Variants in DOK5 observed in about 807,000 individuals in gnomAD.
The protein encoded by DOK5 is docking protein 5.
A neutral mutation model predicts 43.3 loss-of-function variants in DOK5; 27 were observed. The ratio of observed to expected loss-of-function variants is 0.62; its 90% confidence interval spans 0.46 to 0.86. The LOEUF (loss-of-function observed/expected upper bound fraction) is 0.86. Among genes scored for constraint, DOK5 ranks in the 40% least tolerant of loss-of-function variants. The pLI is 0.00. For synonymous variants in DOK5, 146 were observed against 140.1 expected (o/e 1.04, Z -0.30); for missense variants, 373 against 392.9 (o/e 0.95, Z 0.43).
chr20:54,487,057 A>G (rs1981963347), intron 1 of DOK5, among the ~76,000 whole-genome samples: 1 of 152,186 alleles, frequency 6.6e-6, no homozygotes, highest in Non-Finnish European at 1.5e-5. Context: ...CTATCTTAGA[A>G]CATAAAGACT....
At chr20:54,613,147 G>T (rs1476675823) in intron 6 of DOK5, among the ~76,000 whole-genome samples, 4 of 151,798 alleles carry the variant, frequency 2.6e-5, no homozygotes, top group Admixed American at 6.6e-5. Context: ...AATGGCTGGA[G>T]GATTATCTAG....
chr20:54,517,307 C>T (rs955446319), intron 1 of DOK5, among the ~76,000 whole-genome samples: 5 of 152,098 alleles, frequency 3.3e-5, no homozygotes, highest in African/African-American at 9.7e-5. Context: ...GAATCAGATG[C>T]TATTTTACAG....
intron 2 of DOK5, among the ~76,000 whole-genome samples, chr20:54,573,419 G>T (rs982931711): frequency 6.6e-6 from 1 of 152,104 alleles, no homozygotes; most frequent in Non-Finnish European, 1.5e-5. Flanking sequence ...GAGGCGCGGT[G>T]GCTCATGCCT....
chr20:54,575,463 CA>C (rs1053966056), intron 2 of DOK5, among the ~76,000 whole-genome samples: 62 of 152,114 alleles, frequency 4.1e-4, no homozygotes, highest in African/African-American at 1.5e-3. Context: ...ATTTTTGAGA[CA>C]GAGTCTCGCT....
chr20:54,594,215 A>T (rs1986066294), intron 5 of DOK5, among the ~76,000 whole-genome samples: 1 of 152,170 alleles, frequency 6.6e-6, no homozygotes, highest in Non-Finnish European at 1.5e-5. Flanking sequence ...TTGTACAAAA[A>T]ATAAAAGCAA....
chr20:54,589,513 T>C (rs560440043), intron 4 of DOK5, among the ~76,000 whole-genome samples: 1 of 152,220 alleles, frequency 6.6e-6, no homozygotes, highest in Non-Finnish European at 1.5e-5. Context: ...TCAGCAAAAA[T>C]CAGTGTTGAT....
intron 6 of DOK5, among the ~76,000 whole-genome samples, chr20:54,628,387 C>G (rs561936255): frequency 4.4e-4 from 47 of 107,776 alleles, no homozygotes; most frequent in Admixed American, 1.0e-3. Context: ...CCAGCCTGGG[C>G]GACAGAGCGA....
intron 2 of DOK5, among the ~76,000 whole-genome samples, chr20:54,577,781 G>A (rs1217684991): frequency 1.3e-5 from 2 of 152,200 alleles, no homozygotes; most frequent in African/African-American, 2.4e-5. Context: ...CAGAAATCCA[G>A]GAAGGAGGGC....
intron 1 of DOK5, among the ~76,000 whole-genome samples, chr20:54,485,928 T>C (rs1406773413): frequency 6.6e-6 from 1 of 152,236 alleles, no homozygotes; most frequent in Non-Finnish European, 1.5e-5. Flanking sequence ...CATCTTTTCA[T>C]GTTCCTGTTT....
intron 1 of DOK5, among the ~76,000 whole-genome samples, chr20:54,553,760 A>G (rs1429886316): frequency 6.6e-6 from 1 of 151,296 alleles, no homozygotes; most frequent in African/African-American, 2.4e-5. Context: ...AGCTGGGCCT[A>G]GTTGTGCTTG....
chr20:54,631,559 T>A (rs1978568604), intron 6 of DOK5, among the ~76,000 whole-genome samples: 1 of 152,168 alleles, frequency 6.6e-6, no homozygotes, highest in South Asian at 2.1e-4. Flanking sequence ...TATTTCCTTG[T>A]TTTGTTTTTC....
chr20:54,530,699 G>C (rs920511466), intron 1 of DOK5, among the ~76,000 whole-genome samples: 1 of 152,034 alleles, frequency 6.6e-6, no homozygotes, highest in Non-Finnish European at 1.5e-5. Flanking sequence ...TTCACTCTGT[G>C]GTTCTCTCCC....
At chr20:54,560,205 C>G (rs1984853187) in intron 2 of DOK5, among the ~76,000 whole-genome samples, 1 of 152,202 alleles carries the variant, frequency 6.6e-6, no homozygotes, top group Admixed American at 6.5e-5. Flanking sequence ...ATTTCCTCTT[C>G]CGATACAGCT....
intron 1 of DOK5, among the ~76,000 whole-genome samples, chr20:54,495,938 G>A (rs1982374475): frequency 6.6e-6 from 1 of 152,160 alleles, no homozygotes; most frequent in African/African-American, 2.4e-5. Context: ...GTACCTCTAA[G>A]TGAGACTGAC....
chr20:54,515,495 G>A (rs191000190), intron 1 of DOK5, among the ~76,000 whole-genome samples: 68 of 152,318 alleles, frequency 4.5e-4, no homozygotes, highest in Non-Finnish European at 1.2e-4. Context: ...TGAGTTTTGT[G>A]AGGACATGGA....
intron 1 of DOK5, among the ~76,000 whole-genome samples, chr20:54,553,639 G>GT (rs1984608139): frequency 6.7e-6 from 1 of 149,334 alleles, no homozygotes; most frequent in Non-Finnish European, 1.5e-5. Context: ...GCTCACGTCT[G>GT]TAAGCCCAGC....
intron 1 of DOK5, among the ~76,000 whole-genome samples, chr20:54,518,249 T>A (rs1983269055): frequency 6.6e-6 from 1 of 152,170 alleles, no homozygotes; most frequent in East Asian, 1.9e-4. Flanking sequence ...ACATTAGGTA[T>A]ATCTCCTAAC....
intron 6 of DOK5, among the ~76,000 whole-genome samples, chr20:54,638,002 G>A (rs1427089600): frequency 6.6e-6 from 1 of 151,964 alleles, no homozygotes; most frequent in South Asian, 2.1e-4. Flanking sequence ...GGCACCTGTA[G>A]TCCCAGTGAC....
At chr20:54,636,148 A>G (rs1175118929) in intron 6 of DOK5, among the ~76,000 whole-genome samples, 1 of 152,244 alleles carries the variant, frequency 6.6e-6, no homozygotes, top group Non-Finnish European at 1.5e-5. Flanking sequence ...GAAATCTGAC[A>G]TGGCTGACTC....
Sources: gnomAD v4.1 joint callset for allele counts (sites outside exome capture counted in the v4.1 genomes callset) on GRCh38, gnomAD v4.1.1 for gene constraint, MANE v1.5 for transcripts, NCBI Gene and HGNC (gene_info 2026-07-23, HGNC 2026-07-21) for gene names.